Variants in PRPSAP2 observed in about 807,000 individuals in gnomAD.
PRPSAP2 encodes phosphoribosyl pyrophosphate synthetase associated protein 2, also known as phosphoribosyl pyrophosphate synthase-associated protein 2.
PRPSAP2 carries 24 observed loss-of-function variants against 40.6 expected under a neutral mutation model. The ratio of observed to expected loss-of-function variants is 0.59; its 90% confidence interval spans 0.43 to 0.83. The LOEUF (loss-of-function observed/expected upper bound fraction) is 0.83. Ranked by LOEUF, PRPSAP2 falls within the 40% of genes least tolerant of loss-of-function variation. The pLI, the probability that PRPSAP2 is intolerant of heterozygous loss-of-function variation, is 0.00. For missense variants in PRPSAP2, 292 were observed against 465.6 expected, an observed-to-expected ratio of 0.63 and a Z score of 3.43; for synonymous variants, 149 against 164.7, an observed-to-expected ratio of 0.90 and a Z score of 0.73.
At chr17:18,867,140 A>C in intron 3 of PRPSAP2, 142 bp from the exon 4 acceptor site, 1 of 880,384 alleles carries the variant, frequency 1.1e-6, no homozygotes, top group Non-Finnish European at 1.7e-6. Context: ...TTGATGTAAC[A>C]ATTTAATGTT....
intron 8 of PRPSAP2, among the ~76,000 whole-genome samples, chr17:18,890,793 A>C (rs968349685): frequency 2.8e-5 from 3 of 107,126 alleles, no homozygotes; most frequent in Non-Finnish European, 6.4e-5. Flanking sequence ...AGGAACTCAG[A>C]AATTGATTAA....
At chr17:18,877,896 T>G in intron 6 of PRPSAP2, 26 bp downstream of exon 6, 1 of 1,561,546 alleles carries the variant, frequency 6.4e-7, no homozygotes, top group Non-Finnish European at 8.7e-7. Context: ...GTTTCACAAT[T>G]AATTGGGGGC....
chr17:18,882,530 A>G (rs370224772), intron 6 of PRPSAP2, 38 bp from the exon 7 acceptor site: 1 of 1,380,228 alleles, frequency 7.2e-7, no homozygotes, highest in African/African-American at 1.5e-5. Context: ...AAACAAAAAC[A>G]AAACTATTTA....
chr17:18,886,543 A>G (rs2039157610), intron 7 of PRPSAP2, among the ~76,000 whole-genome samples: 1 of 151,994 alleles, frequency 6.6e-6, no homozygotes, highest in South Asian at 2.1e-4. Context: ...TAGTTTTAGT[A>G]GAGATGGGGT....
intron 9 of PRPSAP2, among the ~76,000 whole-genome samples, chr17:18,915,661 T>G (rs2041263657): frequency 6.6e-6 from 1 of 151,944 alleles, no homozygotes; most frequent in African/African-American, 2.4e-5. Context: ...GAAGCCAAAC[T>G]CATTTTTATA....
intron 9 of PRPSAP2, among the ~76,000 whole-genome samples, chr17:18,914,527 T>C (rs960591170): frequency 6.6e-6 from 1 of 151,948 alleles, no homozygotes; most frequent in Non-Finnish European, 1.5e-5. Flanking sequence ...CCCAAACTCT[T>C]GGGCTTATAG....
chr17:18,922,799 A>T (rs1045061301), intron 9 of PRPSAP2, among the ~76,000 whole-genome samples: 35 of 148,856 alleles, frequency 2.4e-4, no homozygotes, highest in African/African-American at 7.9e-4. Flanking sequence ...TCAGCCCCCT[A>T]AGTAGCTGTG....
At chr17:18,925,949 C>CA (rs2041945995) in intron 10 of PRPSAP2, among the ~76,000 whole-genome samples, 2 of 151,910 alleles carry the variant, frequency 1.3e-5, no homozygotes, top group Admixed American at 1.3e-4. Flanking sequence ...ACTAAAAATA[C>CA]AAAAAATTAG....
At chr17:18,922,667 AATTTT>A (rs1567751335) in intron 9 of PRPSAP2, among the ~76,000 whole-genome samples, 20 of 123,322 alleles carry the variant, frequency 1.6e-4, no homozygotes, top group African/African-American at 4.0e-4. Context: ...ATATATATAT[AATTTT>A]TTTTTTTTTT....
chr17:18,889,786 G>T, intron 7 of PRPSAP2, 36 bp from the exon 8 acceptor site: 1 of 1,526,614 alleles, frequency 6.6e-7, no homozygotes, highest in South Asian at 1.3e-5. Context: ...CCTTTTTGTT[G>T]ACATGCAGTA....
chr17:18,886,559 C>T (rs982390609), intron 7 of PRPSAP2, among the ~76,000 whole-genome samples: 5 of 151,932 alleles, frequency 3.3e-5, no homozygotes, highest in Non-Finnish European at 4.4e-5. Flanking sequence ...GGGGTTTCAC[C>T]GTGTTAACCA....
intron 6 of PRPSAP2, among the ~76,000 whole-genome samples, chr17:18,881,204 A>T (rs1355041690): frequency 1.3e-5 from 2 of 151,716 alleles, no homozygotes; most frequent in African/African-American, 2.4e-5. Flanking sequence ...TTTGAAAAAT[A>T]CAAGTGCTGA....
At chr17:18,926,215 C>A (rs557677680) in intron 10 of PRPSAP2, among the ~76,000 whole-genome samples, 1 of 151,974 alleles carries the variant, frequency 6.6e-6, no homozygotes, top group Admixed American at 6.6e-5. Flanking sequence ...AGCACCTTTC[C>A]CCCCGTTCTA....
At chr17:18,925,578 T>C (rs776630722) in intron 10 of PRPSAP2, among the ~76,000 whole-genome samples, 2 of 152,234 alleles carry the variant, frequency 1.3e-5, no homozygotes. Flanking sequence ...GCTACACAAC[T>C]GATTGAGGCA....
Position 18,921,418 on chromosome 17 carries a change from GA to G in PRPSAP2, c.734-2492del, listed in dbSNP as rs551127283. 9.9e-4 allele frequency among the ~76,000 whole-genome samples: 150 copies of G among 152,222 alleles called. 1 individual carries two copies. Among genetic ancestry groups the G allele is most frequent in the African/African-American group, 3.5e-3 (144 of 41,528 alleles). On this transcript the variant is annotated intron_variant, in intron 9 of 11. Coordinates refer to ENST00000268835, the MANE Select transcript of PRPSAP2 (RefSeq NM_002767.4). ...CAAGTGTCCTGGGAGTAGGACTGTT[GA>G]AAATGTAAAAAGTCACTTCAGTTCT...
At chr17:18,923,398 G>A (rs992647362) in intron 9 of PRPSAP2, among the ~76,000 whole-genome samples, 4 of 151,576 alleles carry the variant, frequency 2.6e-5, no homozygotes, top group African/African-American at 7.3e-5. Context: ...GAGCCACCAC[G>A]CCTGGCGTGG....
At chr17:18,874,511 C>T (rs2038127514) in intron 5 of PRPSAP2, among the ~76,000 whole-genome samples, 1 of 152,186 alleles carries the variant, frequency 6.6e-6, no homozygotes, top group Non-Finnish European at 1.5e-5. Context: ...GGGATGAAGT[C>T]ACAAAACCCC....
At chr17:18,858,572 CCTGAAAGCAAGCCCAGA>C (rs1221601544) in intron 1 of PRPSAP2, 5 of 152,254 alleles carry the variant, frequency 3.3e-5, no homozygotes, top group Non-Finnish European at 5.9e-5. Context: ...GGTGAGCAGC[CCTGAAAGCAAGCCCAGA>C]CCCAGCCATT....
intron 6 of PRPSAP2, among the ~76,000 whole-genome samples, chr17:18,878,505 T>A (rs1168596794): frequency 6.6e-6 from 1 of 152,216 alleles, no homozygotes; most frequent in African/African-American, 2.4e-5. Flanking sequence ...TTTGTGTCAA[T>A]ATATTTGTGT....
Sources: allele counts gnomAD v4.1 joint callset (sites outside exome capture counted in the v4.1 genomes callset), GRCh38; gene constraint gnomAD v4.1.1; transcripts MANE v1.5; gene names NCBI Gene and HGNC (gene_info 2026-07-23, HGNC 2026-07-21).